Variants in RBFOX1 observed in about 807,000 individuals in gnomAD.
RBFOX1 encodes RNA binding protein fox-1 homolog 1.
Under a neutral mutation model 57.7 loss-of-function variants are expected in RBFOX1, and 8 were observed. That is an observed-to-expected ratio of 0.14 (90% CI 0.08 to 0.25). The LOEUF (loss-of-function observed/expected upper bound fraction) is 0.25, where lower values mean the gene tolerates loss of function less well. Among genes scored for constraint, RBFOX1 ranks in the 10% least tolerant of loss-of-function variants. The probability of loss-of-function intolerance (pLI) is 1.00; values close to 1 mark genes in which losing one functional copy is unlikely to be tolerated. For synonymous variants in RBFOX1, 326 were observed against 222.4 expected (o/e 1.47, Z -4.15); for missense variants, 611 against 548.5 (o/e 1.11, Z -1.14).
chr16:6,793,660 A>T (rs563926341), intron 3 of RBFOX1, among the ~76,000 whole-genome samples: 2 of 152,338 alleles, frequency 1.3e-5, no homozygotes, highest in East Asian at 3.9e-4. Flanking sequence ...CCAAAGTATT[A>T]TAACTTGCTC....
chr16:7,323,590 A>G (rs2096573425), intron 4 of RBFOX1, among the ~76,000 whole-genome samples: 1 of 152,160 alleles, frequency 6.6e-6, no homozygotes, highest in Admixed American at 6.6e-5. Context: ...TGTTTGACTA[A>G]CTCTACGGCC....
intron 1 of RBFOX1, among the ~76,000 whole-genome samples, chr16:6,254,422 C>G (rs2097647640): frequency 6.6e-6 from 1 of 152,108 alleles, no homozygotes; most frequent in Non-Finnish European, 1.5e-5. Context: ...TAATTAAAAG[C>G]TGATGTGAAA....
chr16:5,452,072 C>T (rs963866355), intron 1 of RBFOX1, among the ~76,000 whole-genome samples: 12 of 152,084 alleles, frequency 7.9e-5, no homozygotes, highest in African/African-American at 2.9e-4. Context: ...GGCCCAAGCC[C>T]CCAAGTCTTA....
intron 2 of RBFOX1, among the ~76,000 whole-genome samples, chr16:6,564,112 G>T (rs905658463): frequency 4.6e-5 from 7 of 152,050 alleles, no homozygotes; most frequent in Non-Finnish European, 8.8e-5. Context: ...AGCCTACACT[G>T]TGGATTGTTC....
At chr16:6,182,819 A>C (rs2097074740) in intron 1 of RBFOX1, among the ~76,000 whole-genome samples, 1 of 152,212 alleles carries the variant, frequency 6.6e-6, no homozygotes, top group African/African-American at 2.4e-5. Flanking sequence ...ATTTTTACAT[A>C]ATTCTTTTTT....
At chr16:6,618,596 A>G (rs1202299377) in intron 2 of RBFOX1, among the ~76,000 whole-genome samples, 1 of 152,252 alleles carries the variant, frequency 6.6e-6, no homozygotes, top group East Asian at 1.9e-4. Context: ...GGAGAGAATC[A>G]GAATACAGAA....
intron 4 of RBFOX1, among the ~76,000 whole-genome samples, chr16:7,232,392 G>C (rs371322582): frequency 1.1e-4 from 16 of 152,262 alleles, no homozygotes; most frequent in African/African-American, 3.6e-4. Flanking sequence ...TATGTCTTTA[G>C]GTTATAACAA....
chr16:7,460,813 C>G (rs567451451), intron 4 of RBFOX1, among the ~76,000 whole-genome samples: 1 of 152,204 alleles, frequency 6.6e-6, no homozygotes, highest in South Asian at 2.1e-4. Flanking sequence ...GTTCCCAAAA[C>G]TGCATTTCCA....
intron 4 of RBFOX1, among the ~76,000 whole-genome samples, chr16:7,487,201 A>G (rs969837766): frequency 6.6e-6 from 1 of 152,114 alleles, no homozygotes; most frequent in Non-Finnish European, 1.5e-5. Context: ...CGCCTTAACC[A>G]CTTTCAGGCA....
intron 2 of RBFOX1, among the ~76,000 whole-genome samples, chr16:6,411,881 C>G (rs1457149555): frequency 6.6e-6 from 1 of 151,962 alleles, no homozygotes; most frequent in Non-Finnish European, 1.5e-5. Flanking sequence ...CGCCTGTAAT[C>G]CCAGCACTTT....
At chr16:7,544,353 G>C (rs1013529388) in intron 5 of RBFOX1, among the ~76,000 whole-genome samples, 3 of 152,134 alleles carry the variant, frequency 2.0e-5, no homozygotes, top group Non-Finnish European at 4.4e-5. Context: ...GTGAATTAGT[G>C]TCCCCCCAAA....
At chr16:5,735,460 G>A (rs1458620712) in intron 3 of RBFOX1, among the ~76,000 whole-genome samples, 1 of 152,220 alleles carries the variant, frequency 6.6e-6, no homozygotes, top group Non-Finnish European at 1.5e-5. Context: ...CTCCAAGGCT[G>A]TTGAGGACAT....
chr16:7,334,534 A>T (rs2096751165), intron 4 of RBFOX1, among the ~76,000 whole-genome samples: 1 of 152,142 alleles, frequency 6.6e-6, no homozygotes, highest in Non-Finnish European at 1.5e-5. Flanking sequence ...ATGCTGATTG[A>T]TGCTGAAATT....
chr16:6,969,761 G>T (rs564688045), intron 3 of RBFOX1, among the ~76,000 whole-genome samples: 1 of 151,742 alleles, frequency 6.6e-6, no homozygotes, highest in Non-Finnish European at 1.5e-5. Context: ...TAAAAATAAG[G>T]TAACGTATCT....
At chr16:5,424,188 C>T (rs77846736) in intron 1 of RBFOX1, among the ~76,000 whole-genome samples, 1,580 of 152,248 alleles carry the variant, frequency 0.01, 32 homozygotes, top group African/African-American at 0.036. Context: ...CGTTCTCTCT[C>T]GTTTGTTGAA....
chr16:6,119,372 G>T (rs1383082680), intron 1 of RBFOX1, among the ~76,000 whole-genome samples: 3 of 152,088 alleles, frequency 2.0e-5, no homozygotes, highest in African/African-American at 4.8e-5. Flanking sequence ...CACAATGGAG[G>T]GTCAACGATG....
intron 1 of RBFOX1, among the ~76,000 whole-genome samples, chr16:6,081,299 C>T (rs2095997680): frequency 6.6e-6 from 1 of 152,280 alleles, no homozygotes; most frequent in South Asian, 2.1e-4. Flanking sequence ...GGACAAGGTT[C>T]CCCCAAGACT....
At chr16:5,527,301 A>C (rs2044285433) in intron 2 of RBFOX1, among the ~76,000 whole-genome samples, 1 of 152,194 alleles carries the variant, frequency 6.6e-6, no homozygotes, top group African/African-American at 2.4e-5. Context: ...CTGCTTGTAC[A>C]CAAGGACACC....
chr16:7,277,174 A>C (rs34857835), intron 4 of RBFOX1, among the ~76,000 whole-genome samples: 1 of 152,130 alleles, frequency 6.6e-6, no homozygotes, highest in South Asian at 2.1e-4. Flanking sequence ...TAAGAAATGC[A>C]ATTAACCGAC....
Sources: gnomAD v4.1 joint callset for allele counts (sites outside exome capture counted in the v4.1 genomes callset) on GRCh38, gnomAD v4.1.1 for gene constraint, MANE v1.5 for transcripts, NCBI Gene and HGNC (gene_info 2026-07-23, HGNC 2026-07-21) for gene names.